EYA3: variants seen among roughly 807,000 people sequenced by gnomAD.
EYA3 encodes EYA transcriptional coactivator and phosphatase 3, also known as protein phosphatase EYA3.
In EYA3, 39 loss-of-function variants were observed where a neutral mutation model predicts 80.0. The observed-to-expected ratio is 0.49, with a 90% CI of 0.38 to 0.64. EYA3 has a LOEUF of 0.64. EYA3 is among the 30% of genes least tolerant of loss of function. The probability of loss-of-function intolerance (pLI) is 0.00; values close to 1 mark genes in which losing one functional copy is unlikely to be tolerated. For synonymous variants in EYA3, 206 were observed against 232.8 expected, an observed-to-expected ratio of 0.88 and a Z score of 1.05; for missense variants, 523 against 676.1, an observed-to-expected ratio of 0.77 and a Z score of 2.51.
At chr1:27,988,967 T>C (rs994957236) in intron 15 of EYA3, among the ~76,000 whole-genome samples, 1 of 152,222 alleles carries the variant, frequency 6.6e-6, no homozygotes, top group Non-Finnish European at 1.5e-5. Context: ...CCCATGTCAC[T>C]GATAGCATAT....
intron 1 of EYA3, among the ~76,000 whole-genome samples, chr1:28,073,635 C>A (rs532656712): frequency 1.1e-4 from 16 of 151,964 alleles, no homozygotes; most frequent in Non-Finnish European, 2.4e-4. Flanking sequence ...GGGGTTTTAC[C>A]ATGTTGACCA....
chr1:28,000,391 C>A (rs1640745382), intron 11 of EYA3, among the ~76,000 whole-genome samples: 1 of 151,960 alleles, frequency 6.6e-6, no homozygotes, highest in Non-Finnish European at 1.5e-5. Flanking sequence ...TGGCTCACTG[C>A]AAGTTCTGCC....
chr1:28,059,687 G>A lies in EYA3; in HGVS notation c.-68-1593C>T, dbSNP rs548969751. ...AATAGGACCACATCATTAGAGAAATGGAATACCTTCAATACCTCATTTGTT... is the reference window on the plus strand; with the variant it reads ...AATAGGACCACATCATTAGAGAAATAGAATACCTTCAATACCTCATTTGTT... On this transcript the variant is annotated intron_variant, in intron 1 of 17. Transcript: ENST00000373871. Among the ~76,000 whole-genome samples the A allele has an allele frequency of 3.3e-5, 5 of 150,172 alleles. No individual in the cohort carries two copies. The South Asian group carries it at 1.1e-3, about 32-fold the overall frequency.
intron 3 of EYA3, among the ~76,000 whole-genome samples, chr1:28,044,850 C>A (rs915886599): frequency 6.6e-6 from 1 of 152,016 alleles, no homozygotes; most frequent in Non-Finnish European, 1.5e-5. Flanking sequence ...ATGGCTCCTG[C>A]AGCTTTGACC....
intron 1 of EYA3, among the ~76,000 whole-genome samples, chr1:28,086,329 T>A (rs902002917): frequency 7.9e-5 from 12 of 151,996 alleles, no homozygotes; most frequent in Admixed American, 7.2e-4. Flanking sequence ...TCCTCCAACC[T>A]CAACCTCCTG....
chr1:28,070,606 G>A (rs754538268), intron 1 of EYA3, among the ~76,000 whole-genome samples: 3 of 147,420 alleles, frequency 2.0e-5, no homozygotes, highest in Non-Finnish European at 3.0e-5. Flanking sequence ...GAACACAACT[G>A]TACATACAGC....
intron 1 of EYA3, among the ~76,000 whole-genome samples, chr1:28,076,737 CTTTTTTTT>C (rs1024335865): frequency 7.0e-5 from 8 of 115,106 alleles, no homozygotes; most frequent in African/African-American, 2.2e-4. Context: ...TTTATAATTT[CTTTTTTTT>C]TTTTTTTTTT....
chr1:28,009,217 A>G lies in EYA3; in HGVS notation c.909+1730T>C, dbSNP rs144469791. On this transcript the variant is annotated intron_variant, in intron 10 of 17. Transcript: ENST00000373871. This position sits in a 1 kb window ranked among gnomAD's most constrained non-coding sequence, Gnocchi z 4.8. ...CAATGGTCAAAGCAGCATTACTCAC[A>G]ATAGCACAAAGGTGACAAACCCCAA... Among the ~76,000 whole-genome samples, 701 of 152,356 alleles carry G rather than the reference A, an allele frequency of 4.6e-3. 5 individuals are homozygous for G. The highest frequency in any genetic ancestry group is 0.016 in the African/African-American group (671 of 41,592).
chr1:28,059,068 T>C (rs1348263649), intron 1 of EYA3, among the ~76,000 whole-genome samples: 1 of 152,176 alleles, frequency 6.6e-6, no homozygotes, highest in Non-Finnish European at 1.5e-5. Flanking sequence ...ATCACACAAG[T>C]ACTGAAAATA....
At chr1:28,038,370 A>T (rs1643570177) in intron 5 of EYA3, among the ~76,000 whole-genome samples, 1 of 136,892 alleles carries the variant, frequency 7.3e-6, no homozygotes, top group Non-Finnish European at 1.5e-5. Flanking sequence ...CGGGAGGTGG[A>T]GGTTGCAGTG....
At chr1:27,978,315 C>T in intron 17 of EYA3, 59 bp downstream of exon 17, 3 of 1,248,606 alleles carry the variant, frequency 2.4e-6, no homozygotes, top group Non-Finnish European at 3.5e-6. Flanking sequence ...GTAGTTTTTC[C>T]CATTTTTCTC....
intron 17 of EYA3, 79 bp downstream of exon 17, chr1:27,978,295 C>A: frequency 2.0e-6 from 2 of 1,020,506 alleles, no homozygotes; most frequent in Non-Finnish European, 3.0e-6. Context: ...TAATAGATTG[C>A]TAAGATTTTG....
chr1:28,064,380 A>C (rs12034833), intron 1 of EYA3, among the ~76,000 whole-genome samples: 11,964 of 69,116 alleles, frequency 0.17, 499 homozygotes, highest in Admixed American at 0.22. Flanking sequence ...CTCTCTCTCT[A>C]TATATATATA....
At chr1:28,064,498 C>A (rs1571934015) in intron 1 of EYA3, among the ~76,000 whole-genome samples, 1 of 149,458 alleles carries the variant, frequency 6.7e-6, no homozygotes, top group Admixed American at 6.7e-5. Flanking sequence ...GAAAATTAGA[C>A]AAAATTAATA....
intron 6 of EYA3, among the ~76,000 whole-genome samples, chr1:28,034,070 C>T (rs577715205): frequency 9.2e-5 from 14 of 151,688 alleles, no homozygotes; most frequent in Admixed American, 5.3e-4. Context: ...GTGCACACAG[C>T]GAGACTCTGT....
chr1:27,979,449 A>C (rs1571697466), intron 16 of EYA3, among the ~76,000 whole-genome samples: 2 of 152,182 alleles, frequency 1.3e-5, no homozygotes, highest in South Asian at 4.1e-4. Flanking sequence ...CATCACTGAA[A>C]TTGACCTTGG....
At chr1:28,008,489 G>A (rs1159849211) in intron 10 of EYA3, among the ~76,000 whole-genome samples, 1 of 151,712 alleles carries the variant, frequency 6.6e-6, no homozygotes, top group Admixed American at 6.6e-5. Context: ...GTGCTTCAAA[G>A]CACAAAAATT....
chr1:27,993,875 A>G (rs1640241903), intron 13 of EYA3, among the ~76,000 whole-genome samples: 1 of 152,240 alleles, frequency 6.6e-6, no homozygotes, highest in Admixed American at 6.5e-5. Flanking sequence ...CAGTGAAAAA[A>G]GCAGAATATA....
rs754177939 is a variant in EYA3 at position 28,042,608 on chromosome 1, T to C, written c.120A>G (p.Thr40=). 2.5e-6 allele frequency: 4 copies of C among 1,614,218 alleles called. No homozygotes were observed. Among genetic ancestry groups the C allele is most frequent in the East Asian group, 2.2e-5 (1 of 44,890 alleles). ...NPDVSDQKPE[T]SSLASNLPMS... ...TGGGAAGGTTTGAAGCAAGGCTTGATGTTTCAGGCTTCTGATCACTGACAT... is the reference window on the plus strand; with the variant it reads ...TGGGAAGGTTTGAAGCAAGGCTTGACGTTTCAGGCTTCTGATCACTGACAT... Residue 40 remains threonine, a synonymous_variant, in exon 4 of 18, where the codon ACA becomes ACG. Coordinates refer to ENST00000373871, the MANE Select transcript of EYA3 (RefSeq NM_001990.4).
Sources: gnomAD v4.1 joint callset for allele counts (sites outside exome capture counted in the v4.1 genomes callset) on GRCh38, gnomAD v4.1.1 for gene constraint, Gnocchi (gnomAD v3.1) non-coding constraint, MANE v1.5 for transcripts, NCBI Gene and HGNC (gene_info 2026-07-23, HGNC 2026-07-21) for gene names.